C1orf21: variants seen among roughly 807,000 people sequenced by gnomAD.
The protein encoded by C1orf21 is chromosome 1 open reading frame 21, also known as uncharacterized protein C1orf21.
Under a neutral mutation model 18.7 loss-of-function variants are expected in C1orf21, and 3 were observed. That is an observed-to-expected ratio of 0.16 (90% CI 0.07 to 0.42). C1orf21 has a LOEUF of 0.42. C1orf21 is among the 10% of genes least tolerant of loss of function. The pLI is 0.99. For missense variants in C1orf21, 104 were observed against 143.6 expected, an observed-to-expected ratio of 0.72 and a Z score of 1.41; for synonymous variants, 41 against 46.4, an observed-to-expected ratio of 0.88 and a Z score of 0.47.
At chr1:184,414,380 C>T (rs578146020) in intron 1 of C1orf21, among the ~76,000 whole-genome samples, 41 of 152,244 alleles carry the variant, frequency 2.7e-4, no homozygotes, top group African/African-American at 9.6e-4. Context: ...TCTCCTGCCT[C>T]GGCGTTTCAA....
At chr1:184,586,821 A>C (rs1189599197) in intron 3 of C1orf21, among the ~76,000 whole-genome samples, 2 of 152,164 alleles carry the variant, frequency 1.3e-5, no homozygotes, top group East Asian at 3.9e-4. Context: ...CTCTTGTTGC[A>C]GTTGTTTTTG....
intron 1 of C1orf21, among the ~76,000 whole-genome samples, chr1:184,410,604 T>C (rs1252089653): frequency 5.6e-5 from 5 of 89,992 alleles, no homozygotes; most frequent in Non-Finnish European, 2.0e-5. Context: ...GAAAGATTAA[T>C]TTGCCATATA....
At chr1:184,558,927 C>T (rs548125280) in intron 3 of C1orf21, among the ~76,000 whole-genome samples, 1 of 152,292 alleles carries the variant, frequency 6.6e-6, no homozygotes, top group Non-Finnish European at 1.5e-5. Flanking sequence ...TAGAAGAAAG[C>T]AGATAGACCT....
chr1:184,407,682 C>T (rs182432891), intron 1 of C1orf21, among the ~76,000 whole-genome samples: 100 of 152,224 alleles, frequency 6.6e-4, no homozygotes, highest in Non-Finnish European at 1.9e-4. Context: ...GCCTTTGAAG[C>T]ATCATGACTT....
intron 1 of C1orf21, among the ~76,000 whole-genome samples, chr1:184,403,055 A>G (rs1656189152): frequency 6.6e-6 from 1 of 152,212 alleles, no homozygotes; most frequent in African/African-American, 2.4e-5. Context: ...TAATAACTTC[A>G]GTTTGCCCTA....
intron 3 of C1orf21, among the ~76,000 whole-genome samples, chr1:184,514,073 G>C (rs1203603788): frequency 1.3e-5 from 2 of 152,164 alleles, no homozygotes; most frequent in Admixed American, 1.3e-4. Context: ...AAAGTGGGAG[G>C]ATCACTTGAG....
intron 3 of C1orf21, among the ~76,000 whole-genome samples, chr1:184,581,152 C>T (rs1659269089): frequency 1.3e-5 from 2 of 152,060 alleles, no homozygotes; most frequent in Admixed American, 6.5e-5. Context: ...ATTGGCTGGG[C>T]GAGGTGGCTC....
At chr1:184,528,634 A>C (rs375617144) in intron 3 of C1orf21, among the ~76,000 whole-genome samples, 1 of 151,942 alleles carries the variant, frequency 6.6e-6, no homozygotes, top group South Asian at 2.1e-4. Flanking sequence ...TAGTAGAGAC[A>C]AGGTTTCAGC....
intron 3 of C1orf21, among the ~76,000 whole-genome samples, chr1:184,582,949 C>A (rs1659296712): frequency 6.6e-6 from 1 of 152,154 alleles, no homozygotes; most frequent in African/African-American, 2.4e-5. Flanking sequence ...AGAGATTCTC[C>A]TGTCTCAGCC....
chr1:184,436,086 A>G (rs1237570630), intron 1 of C1orf21, among the ~76,000 whole-genome samples: 2 of 152,118 alleles, frequency 1.3e-5, no homozygotes, highest in East Asian at 1.9e-4. Context: ...AAAATGATCC[A>G]ATAGAAAGGG....
chr1:184,570,314 A>G (rs182717086), intron 3 of C1orf21, among the ~76,000 whole-genome samples: 1 of 152,280 alleles, frequency 6.6e-6, no homozygotes, highest in Admixed American at 6.5e-5. Context: ...ATAAGTTTAA[A>G]TTATGTTAAA....
chr1:184,465,094 G>A (rs1427768350), intron 1 of C1orf21, among the ~76,000 whole-genome samples: 3 of 152,162 alleles, frequency 2.0e-5, no homozygotes, highest in African/African-American at 7.2e-5. Flanking sequence ...GTAAAATTAG[G>A]AACCTTGACC....
chr1:184,468,496 T>A (rs1447745613), intron 1 of C1orf21, among the ~76,000 whole-genome samples: 1 of 152,254 alleles, frequency 6.6e-6, no homozygotes, highest in East Asian at 1.9e-4. Flanking sequence ...AGGATTCAGA[T>A]CTTTTCAAAG....
chr1:184,541,435 C>T (rs1006487636), intron 3 of C1orf21, among the ~76,000 whole-genome samples: 2 of 152,172 alleles, frequency 1.3e-5, no homozygotes, highest in African/African-American at 2.4e-5. Context: ...CCACATGCCT[C>T]CACCCCAGCA....
At chr1:184,583,647 A>G (rs1267210153) in intron 3 of C1orf21, among the ~76,000 whole-genome samples, 4 of 152,222 alleles carry the variant, frequency 2.6e-5, no homozygotes, top group Non-Finnish European at 2.9e-5. Context: ...TGAGTGAAGA[A>G]TAACCTAAGA....
At chr1:184,445,988 A>G (rs1657024108) in intron 1 of C1orf21, among the ~76,000 whole-genome samples, 2 of 152,180 alleles carry the variant, frequency 1.3e-5, no homozygotes, top group Admixed American at 1.3e-4. Flanking sequence ...TATGGGTGAT[A>G]TGGTAGAGAC....
intron 1 of C1orf21, among the ~76,000 whole-genome samples, chr1:184,399,683 C>G (rs1656118841): frequency 6.6e-6 from 1 of 152,172 alleles, no homozygotes. Flanking sequence ...TACATCACAT[C>G]AGGAGGCACA....
At chr1:184,427,838 A>T (rs1656666273) in intron 1 of C1orf21, among the ~76,000 whole-genome samples, 1 of 151,898 alleles carries the variant, frequency 6.6e-6, no homozygotes, top group Non-Finnish European at 1.5e-5. Flanking sequence ...ACTTTCCTGT[A>T]CTCTTAGCTC....
chr1:184,554,634 A>G (rs543217293), intron 3 of C1orf21, among the ~76,000 whole-genome samples: 6 of 152,364 alleles, frequency 3.9e-5, no homozygotes, highest in African/African-American at 1.4e-4. Flanking sequence ...ACTGGCTTAT[A>G]GTGCCTCATT....
Sources: gnomAD v4.1 joint callset for allele counts (sites outside exome capture counted in the v4.1 genomes callset) on GRCh38, gnomAD v4.1.1 for gene constraint, MANE v1.5 for transcripts, NCBI Gene and HGNC (gene_info 2026-07-23, HGNC 2026-07-21) for gene names.